Variants in NECTIN2 observed in about 807,000 individuals in gnomAD.
NECTIN2 encodes nectin cell adhesion molecule 2.
NECTIN2 carries 23 observed loss-of-function variants against 56.9 expected under a neutral mutation model. The ratio of observed to expected loss-of-function variants is 0.40; its 90% CI spans 0.29 to 0.57. The LOEUF is 0.57. NECTIN2 is among the 20% of genes least tolerant of loss of function. The probability of loss-of-function intolerance (pLI) is 0.38; values close to 1 mark genes in which losing one functional copy is unlikely to be tolerated. For missense variants in NECTIN2, 587 were observed against 718.3 expected (o/e 0.82, Z 2.09); for synonymous variants, 302 against 313.8 (o/e 0.96, Z 0.40).
In NECTIN2 at chr19:44,865,288, G is replaced by C; in HGVS notation, c.106G>C (p.Val36Leu). 1.2e-6 allele frequency: 2 copies of C among 1,612,530 alleles called. No individual in the cohort carries two copies. Among genetic ancestry groups the C allele is most frequent in the South Asian group, 1.1e-5 (1 of 90,960 alleles). ...CTGCCCAGGAGCCCAGGATGTGCGA[G>C]TTCAAGTGCTACCCGAGGTGCGAGG... ...LLETGAQDVR[V>L]QVLPEVRGQL... Residue 36 changes from valine to leucine, a missense_variant, in exon 2 of 9, where the codon GTT becomes CTT. Physicochemically the swap from Val to Leu is conservative, Grantham distance 32. Transcript: ENST00000252483. The surrounding 1 kb of genome is among the most constrained non-coding windows in gnomAD (Gnocchi z 5.2).
At chr19:44,877,300 G>A (rs1450594340) in intron 5 of NECTIN2, among the ~76,000 whole-genome samples, 10 of 152,234 alleles carry the variant, frequency 6.6e-5, no homozygotes, top group African/African-American at 2.2e-4. Context: ...AGGGATGGGG[G>A]AAGTGGATGT....
At position 44,882,198 on chromosome 19, in the gene NECTIN2, C is replaced by G; in HGVS notation, c.1043-13C>G. On this transcript the variant is annotated splice_polypyrimidine_tract_variant and intron_variant, in intron 5 of 8. Coordinates refer to ENST00000252483, the MANE Select transcript of NECTIN2 (RefSeq NM_001042724.2). Reference sequence around the variant, plus strand: ...CTCCTGGAGACCCCCTCACGCTGTCCCTCTCCTTGCAGAGACCCCCAACAC... The same window carrying G: ...CTCCTGGAGACCCCCTCACGCTGTCGCTCTCCTTGCAGAGACCCCCAACAC... The G allele has an allele frequency of 7.0e-7, 1 of 1,424,032 alleles. No homozygotes were observed. The highest frequency in any genetic ancestry group is 9.3e-7 in the Non-Finnish European group (1 of 1,076,700). The allele number at this position is 1,424,032 out of a possible 1,614,324, so 88.2% of individuals were successfully genotyped here.
In NECTIN2 at chr19:44,874,821, T is replaced by C. The variant is rs2093468867; in HGVS notation, c.1042+343T>C. 9.0e-6 allele frequency: 2 copies of C among 223,094 alleles called. No homozygotes were observed. Among genetic ancestry groups the C allele is most frequent in the Non-Finnish European group, 9.1e-6 (1 of 109,476 alleles). 13.8% of individuals were successfully genotyped at this position (223,094 alleles called of 1,614,324 possible). A position where few individuals can be genotyped will look rare whatever the true frequency, so the allele number is the denominator to read the frequency against. On this transcript the variant is annotated intron_variant, in intron 5 of 8. Transcript: ENST00000252483. The surrounding 1 kb of genome is among the most constrained non-coding windows in gnomAD (Gnocchi z 6.3). ...AAAGACGCACACCTAGAGTCAGGCA[T>C]GCAAACTTCAAAGAGACAGAAACCA...
chr19:44,885,068 C>T (rs1433372953), intron 6 of NECTIN2, among the ~76,000 whole-genome samples: 6 of 151,720 alleles, frequency 4.0e-5, no homozygotes, highest in African/African-American at 1.5e-4. Context: ...GCGATCTCGG[C>T]TCACCACAAC....
At chr19:44,881,967 A>G in intron 5 of NECTIN2, 1 of 358,116 alleles carries the variant, frequency 2.8e-6, no homozygotes, top group Non-Finnish European at 5.0e-6. Context: ...TCCCTGCCCA[A>G]CCAGAATCAA....
intron 2 of NECTIN2, among the ~76,000 whole-genome samples, chr19:44,868,558 C>T (rs1267459221): frequency 2.0e-5 from 3 of 151,184 alleles, no homozygotes; most frequent in South Asian, 4.2e-4. Flanking sequence ...CTCCTACCTC[C>T]GCCTCCTGCA....
At position 44,865,651 on chromosome 19, in the gene NECTIN2, A is replaced by G. The variant is rs769746436; in HGVS notation, c.469A>G (p.Arg157Gly). 9 of 1,529,024 alleles carry G rather than the reference A, an allele frequency of 5.9e-6. No homozygotes were observed. The highest frequency in any genetic ancestry group is 1.2e-5 in the South Asian group (1 of 82,852). 94.7% of individuals were successfully genotyped at this position (1,529,024 alleles called of 1,614,324 possible). Residue 157 changes from arginine (R) to glycine (G), a missense_variant, in exon 2 of 9, where the codon AGA (arginine) becomes GGA (glycine). Transcript: ENST00000252483. This position sits in a 1 kb window ranked among gnomAD's most constrained non-coding sequence, Gnocchi z 5.2. ...GTCCGTCCGAGGGATGACCTGGCTCAGAGTCATAGGTGAGCAGGGTAAGGG... is the reference window on the plus strand; with the variant it reads ...GTCCGTCCGAGGGATGACCTGGCTCGGAGTCATAGGTGAGCAGGGTAAGGG... Reference protein sequence around the residue: ...KGSVRGMTWLRVIAKPKNQAE... With the variant: ...KGSVRGMTWLGVIAKPKNQAE...
chr19:44,846,438 C>T lies in NECTIN2; in HGVS notation c.-88C>T. 7.3e-7 allele frequency: 1 copy of T among 1,374,644 alleles called. No homozygotes were observed. Among genetic ancestry groups the T allele is most frequent in the Non-Finnish European group, 9.3e-7 (1 of 1,070,740 alleles). The allele number at this position is 1,374,644 out of a possible 1,614,324, so 85.2% of individuals were successfully genotyped here. ...GCCCGGAGCCGGAGCCGGAGCCCCA[C>T]AGGCACCTACTAAACCGCCCAGCCG... is the stretch of plus-strand genomic sequence containing the variant. On this transcript the variant is annotated 5_prime_UTR_variant, in exon 1 of 9. Transcript: ENST00000252483.
At chr19:44,851,388 G>A (rs946202040) in intron 1 of NECTIN2, among the ~76,000 whole-genome samples, 1 of 147,480 alleles carries the variant, frequency 6.8e-6, no homozygotes, top group South Asian at 2.2e-4. Context: ...TAGGCCTCCA[G>A]CTCCTCCTCC....
chr19:44,865,809 A>G lies in NECTIN2; in HGVS notation c.478+149A>G. ...ATCAGCAAATGTTCATTAAGCACCTACCGCGTGCCAGATGCTTTTCTGTGT... is the reference window on the plus strand; with the variant it reads ...ATCAGCAAATGTTCATTAAGCACCTGCCGCGTGCCAGATGCTTTTCTGTGT... On this transcript the variant is annotated intron_variant, in intron 2 of 8. Coordinates refer to ENST00000252483, the MANE Select transcript of NECTIN2 (RefSeq NM_001042724.2). This position sits in a 1 kb window ranked among gnomAD's most constrained non-coding sequence, Gnocchi z 5.2. 2.1e-6 allele frequency: 2 copies of G among 956,130 alleles called. No homozygotes were observed. Among genetic ancestry groups the G allele is most frequent in the African/African-American group, 1.7e-5 (1 of 60,380 alleles). The allele number at this position is 956,130 out of a possible 1,614,324, so 59.2% of individuals were successfully genotyped here.
intron 3 of NECTIN2, among the ~76,000 whole-genome samples, chr19:44,873,699 C>CAAT (rs1190269812): frequency 6.6e-6 from 1 of 152,124 alleles, no homozygotes; most frequent in African/African-American, 2.4e-5. Flanking sequence ...CAGCACTGAA[C>CAAT]AATAACTCCC....
intron 1 of NECTIN2, among the ~76,000 whole-genome samples, chr19:44,848,614 A>G (rs1599904772): frequency 6.9e-6 from 1 of 145,498 alleles, no homozygotes; most frequent in Admixed American, 6.8e-5. Flanking sequence ...CCCCACCCCA[A>G]TCCTTCGCCT....
intron 5 of NECTIN2, chr19:44,878,186 T>TTC (rs200748862): frequency 2.7e-5 from 17 of 631,422 alleles, no homozygotes; most frequent in African/African-American, 1.9e-4. Context: ...GTGTCTCCCT[T>TTC]TCTCTCTCTC....
chr19:44,859,215 G>C (rs537160868), intron 1 of NECTIN2, among the ~76,000 whole-genome samples: 3 of 152,146 alleles, frequency 2.0e-5, no homozygotes, highest in Non-Finnish European at 4.4e-5. Context: ...TGGCCTGGGG[G>C]CTGAGTGCCA....
Position 44,889,048 on chromosome 19 carries a change from C to G in NECTIN2, c.*669C>G, listed in dbSNP as rs530873598. ...ACAGACTGTGCCTTGATGGCCCCAG[C>G]CTTGGGAGAAGAATTTACTGTTAAC... On this transcript the variant is annotated 3_prime_UTR_variant, in exon 9 of 9. Coordinates refer to ENST00000252483, the MANE Select transcript of NECTIN2 (RefSeq NM_001042724.2). The G allele has an allele frequency of 5.3e-5, 8 of 152,332 alleles. No individual in the cohort carries two copies. The highest frequency in any genetic ancestry group is 1.7e-4 in the African/African-American group (7 of 41,518). 9.4% of individuals were successfully genotyped at this position (152,332 alleles called of 1,614,324 possible).
chr19:44,887,497 T>C (rs1969373573), intron 8 of NECTIN2, among the ~76,000 whole-genome samples: 1 of 149,460 alleles, frequency 6.7e-6, no homozygotes. Context: ...TTACAAAAAT[T>C]AGCTGGGCGT....
chr19:44,882,260 C>T lies in NECTIN2; in HGVS notation c.1092C>T (p.Gly364=). The T allele has an allele frequency of 1.3e-6, 2 of 1,554,406 alleles. No individual in the cohort carries two copies. Among genetic ancestry groups the T allele is most frequent in the Non-Finnish European group, 1.7e-6 (2 of 1,149,378 alleles). The change falls in exon 6 of 9, where the codon GGC becomes GGT. Residue 364 remains glycine, a synonymous_variant. Coordinates refer to ENST00000252483, the MANE Select transcript of NECTIN2 (RefSeq NM_001042724.2). ...GGGCCACAGGCGGCATCATCGGGGG[C>T]ATCATCGCCGCCATCATTGCTACTG... ...GAGATGGIIG[G]IIAAIIATAV...
intron 3 of NECTIN2, among the ~76,000 whole-genome samples, chr19:44,873,354 C>T (rs1218427831): frequency 3.3e-5 from 5 of 152,032 alleles, no homozygotes; most frequent in East Asian, 3.9e-4. Flanking sequence ...ACACACAGGC[C>T]GGGTGCGGTG....
intron 1 of NECTIN2, among the ~76,000 whole-genome samples, chr19:44,849,113 T>C (rs919432276): frequency 6.6e-6 from 1 of 151,468 alleles, no homozygotes; most frequent in Non-Finnish European, 1.5e-5. Context: ...CAGAGGCCAA[T>C]AGAGGGAAGC....
Sources: allele counts gnomAD v4.1 joint callset (sites outside exome capture counted in the v4.1 genomes callset), GRCh38; gene constraint gnomAD v4.1.1; non-coding constraint Gnocchi (gnomAD v3.1); transcripts MANE v1.5; gene names NCBI Gene and HGNC (gene_info 2026-07-23, HGNC 2026-07-21).